ZNF251: variants seen among roughly 807,000 people sequenced by gnomAD.
The protein encoded by ZNF251 is zinc finger protein 251.
In ZNF251, 14 loss-of-function variants were observed where a neutral mutation model predicts 13.5. The observed-to-expected ratio is 1.04, with a 90% CI of 0.69 to 1.63. ZNF251 has a LOEUF of 1.63. Ranked by LOEUF, ZNF251 falls within the 40% of genes most tolerant of loss-of-function variation. The pLI, the probability that ZNF251 is intolerant of heterozygous loss-of-function variation, is 0.00. For synonymous variants in ZNF251, 287 were observed against 295.2 expected (o/e 0.97, Z 0.28); for missense variants, 764 against 834.9 (o/e 0.92, Z 1.05).
At chr8:144,730,077 C>A (rs985122341) in intron 4 of ZNF251, 1 of 985,336 alleles carries the variant, frequency 1.0e-6, no homozygotes, top group Admixed American at 6.1e-5. Flanking sequence ...GCAGGCCCAG[C>A]AGTGCCTCTC....
intron 4 of ZNF251, among the ~76,000 whole-genome samples, chr8:144,732,289 T>C (rs1247083994): frequency 6.6e-6 from 1 of 152,002 alleles, no homozygotes; most frequent in East Asian, 1.9e-4. Context: ...ATGGGTCTGG[T>C]AGAGGGATAG....
intron 4 of ZNF251, among the ~76,000 whole-genome samples, chr8:144,748,222 C>A (rs968973309): frequency 7.2e-5 from 11 of 151,890 alleles, no homozygotes; most frequent in Non-Finnish European, 1.5e-4. Flanking sequence ...TACAGGTGCA[C>A]TCCACCATGC....
intron 4 of ZNF251, among the ~76,000 whole-genome samples, chr8:144,745,092 A>G (rs951307073): frequency 2.6e-5 from 4 of 151,648 alleles, no homozygotes; most frequent in Non-Finnish European, 5.9e-5. Flanking sequence ...AGGGGAGCGG[A>G]GGAAAGTTAC....
chr8:144,730,241 G>T (rs1422984006), intron 4 of ZNF251: 2 of 439,972 alleles, frequency 4.5e-6, no homozygotes, highest in Non-Finnish European at 6.0e-6. Context: ...AGCAGCAAGG[G>T]TGGGCTCTGC....
intron 4 of ZNF251, among the ~76,000 whole-genome samples, chr8:144,750,835 A>C (rs1363506798): frequency 2.1e-5 from 3 of 142,676 alleles, no homozygotes; most frequent in Non-Finnish European, 3.0e-5. Context: ...CTGCCTGTTT[A>C]TCTCTCCAGA....
At chr8:144,745,129 T>G (rs887919386) in intron 4 of ZNF251, among the ~76,000 whole-genome samples, 6 of 151,286 alleles carry the variant, frequency 4.0e-5, no homozygotes, top group African/African-American at 1.5e-4. Context: ...CTTGTGGTTT[T>G]AAGTCTGAGC....
In ZNF251 at chr8:144,722,291, C is replaced by T; in HGVS notation, c.1369G>A (p.Gly457Arg). ...TCAACGCACTGGTAGGGCTTCTCCCCAGTGTGAACTCTTCGATGCTGAACA... is the reference window on the plus strand; with the variant it reads ...TCAACGCACTGGTAGGGCTTCTCCCTAGTGTGAACTCTTCGATGCTGAACA... ...TLVQHRRVHTGEKPYQCVECG... is the reference protein window; with the variant it reads ...TLVQHRRVHTREKPYQCVECG... Residue 457 changes from glycine (G) to arginine (R), a missense_variant, in exon 5 of 5, where the codon GGG (glycine) becomes AGG (arginine). Transcript: ENST00000292562. This position sits in a 1 kb window ranked among gnomAD's most constrained non-coding sequence, Gnocchi z 4.8. 6.2e-7 allele frequency: 1 copy of T among 1,613,960 alleles called. No individual in the cohort carries two copies. The highest frequency in any genetic ancestry group is 8.5e-7 in the Non-Finnish European group (1 of 1,179,908).
intron 4 of ZNF251, 165 bp downstream of exon 4, chr8:144,753,510 AAAACTTCT>A: frequency 3.6e-6 from 2 of 561,872 alleles, no homozygotes; most frequent in Non-Finnish European, 6.3e-6. Flanking sequence ...CCAGCAAGAT[AAAACTTCT>A]AAAGCATGTG....
chr8:144,737,525 AC>A (rs1231209532), intron 4 of ZNF251, among the ~76,000 whole-genome samples: 183 of 150,966 alleles, frequency 1.2e-3, no homozygotes, highest in African/African-American at 4.1e-3. Flanking sequence ...AAACAAACAA[AC>A]AAACAAAAAA....
chr8:144,746,172 A>G (rs1432967120), intron 4 of ZNF251, among the ~76,000 whole-genome samples: 1 of 152,130 alleles, frequency 6.6e-6, no homozygotes, highest in Admixed American at 6.6e-5. Context: ...CTCTATTCCT[A>G]GTTTGTTGAA....
intron 4 of ZNF251, among the ~76,000 whole-genome samples, chr8:144,724,261 CAAAAAAAA>C (rs1175216003): frequency 2.8e-5 from 1 of 35,840 alleles, no homozygotes; most frequent in Non-Finnish European, 7.1e-5. Context: ...GACTCCGTCT[CAAAAAAAA>C]AAAAAAAAAA....
intron 4 of ZNF251, among the ~76,000 whole-genome samples, chr8:144,742,879 G>C (rs1824232305): frequency 6.6e-6 from 1 of 152,062 alleles, no homozygotes; most frequent in Non-Finnish European, 1.5e-5. Context: ...TATGAAGCCA[G>C]CCCTCTGGAC....
Position 144,754,235 on chromosome 8 carries a change from G to A in ZNF251, c.120C>T (p.Tyr40=). 1.2e-6 allele frequency: 2 copies of A among 1,614,040 alleles called. No individual in the cohort carries two copies. Among genetic ancestry groups the A allele is most frequent in the Non-Finnish European group, 1.7e-6 (2 of 1,179,968 alleles). The part of the protein sequence containing the change: ...RQLGPQQRAL[Y]RDVMLENYGN... ...CATAGTTCTCCAGCATCACATCCCGGTAGAGCGCCCGCTGCTGGGGGCCCA... is the reference window on the plus strand; with the variant it reads ...CATAGTTCTCCAGCATCACATCCCGATAGAGCGCCCGCTGCTGGGGGCCCA... Residue 40 remains tyrosine (Y), a synonymous_variant, in exon 3 of 5, where the codon TAC becomes TAT. Transcript: ENST00000292562.
rs115335227 is a variant in ZNF251, at chr8:144,745,237, C to T, written c.277+8446G>A. ...CGTGGATGTTCAGTTATTCCAGCACCATTTCTTGAAAAGATCATCCTTTCT... is the reference window on the plus strand; with the variant it reads ...CGTGGATGTTCAGTTATTCCAGCACTATTTCTTGAAAAGATCATCCTTTCT... On this transcript the variant is annotated intron_variant, in intron 4 of 4. Coordinates refer to ENST00000292562, the MANE Select transcript of ZNF251 (RefSeq NM_138367.2). 9.0e-3 allele frequency among the ~76,000 whole-genome samples: 1,351 copies of T among 149,496 alleles called. 26 individuals are homozygous for T. Among genetic ancestry groups the T allele is most frequent in the African/African-American group, 0.031 (1,265 of 40,524 alleles).
At chr8:144,744,247 G>A (rs1824308872) in intron 4 of ZNF251, among the ~76,000 whole-genome samples, 1 of 151,902 alleles carries the variant, frequency 6.6e-6, no homozygotes, top group African/African-American at 2.4e-5. Context: ...CCTGACCTCG[G>A]GTGATCTGCC....
chr8:144,723,405 A>T, intron 4 of ZNF251, 23 bp from the exon 5 acceptor site: 1 of 1,417,408 alleles, frequency 7.1e-7, no homozygotes. Context: ...AATATAAATG[A>T]GTTACTAGAG....
chr8:144,753,543 T>G lies in ZNF251; in HGVS notation c.277+140A>C. 2.4e-5 allele frequency: 15 copies of G among 616,666 alleles called. No individual in the cohort carries two copies. The South Asian group carries it at 3.0e-4, about 12-fold the overall frequency. The allele number at this position is 616,666 out of a possible 1,614,324, so 38.2% of individuals were successfully genotyped here. A position where few individuals can be genotyped will look rare whatever the true frequency, so the allele number is the denominator to read the frequency against. On this transcript the variant is annotated intron_variant, in intron 4 of 4. Coordinates refer to ENST00000292562, the MANE Select transcript of ZNF251 (RefSeq NM_138367.2). ...TAAAGCATGTGCACATGCTCACATTTGTAGAGGGGCTGTATCTGTGAGACT... is the reference window on the plus strand; with the variant it reads ...TAAAGCATGTGCACATGCTCACATTGGTAGAGGGGCTGTATCTGTGAGACT...
At chr8:144,748,190 T>C (rs1824519621) in intron 4 of ZNF251, among the ~76,000 whole-genome samples, 1 of 152,008 alleles carries the variant, frequency 6.6e-6, no homozygotes, top group Non-Finnish European at 1.5e-5. Context: ...TCTCCTGTCT[T>C]AGTCTCTTGA....
Position 144,722,013 on chromosome 8 carries a change from A to G in ZNF251, c.1647T>C (p.His549=), listed in dbSNP as rs1376316446. 1 of 1,598,712 alleles carries G rather than the reference A, an allele frequency of 6.3e-7. No homozygotes were observed. Among genetic ancestry groups the G allele is most frequent in the East Asian group, 2.2e-5 (1 of 44,734 alleles). Residue 549 remains histidine, a synonymous_variant, in exon 5 of 5, where the codon CAT becomes CAC. Coordinates refer to ENST00000292562, the MANE Select transcript of ZNF251 (RefSeq NM_138367.2). The surrounding 1 kb of genome is among the most constrained non-coding windows in gnomAD (Gnocchi z 4.8). ...TGEKHGRAFN[H]GANLILRWTV... ...TCCAGCGCAGAATGAGATTTGCACCATGGTTAAAGGCTCTGCCGTGCTTCT... is the reference window on the plus strand; with the variant it reads ...TCCAGCGCAGAATGAGATTTGCACCGTGGTTAAAGGCTCTGCCGTGCTTCT...
Sources: allele counts gnomAD v4.1 joint callset (sites outside exome capture counted in the v4.1 genomes callset), GRCh38; gene constraint gnomAD v4.1.1; non-coding constraint Gnocchi (gnomAD v3.1); transcripts MANE v1.5; gene names NCBI Gene and HGNC (gene_info 2026-07-23, HGNC 2026-07-21).